Variants in NTN1 observed in about 807,000 individuals in gnomAD.
NTN1 encodes netrin 1.
A neutral mutation model predicts 54.2 loss-of-function variants in NTN1; 11 were observed. The ratio of observed to expected loss-of-function variants is 0.20; its 90% CI spans 0.13 to 0.34. The LOEUF is 0.34. Among genes scored for constraint, NTN1 ranks in the 10% least tolerant of loss-of-function variants. The pLI, the probability that NTN1 is intolerant of heterozygous loss-of-function variation, is 1.00. For missense variants in NTN1, 740 were observed against 893.1 expected, an observed-to-expected ratio of 0.83 and a Z score of 2.18; for synonymous variants, 371 against 382.0, an observed-to-expected ratio of 0.97 and a Z score of 0.33.
upstream of NTN1, among the ~76,000 whole-genome samples, chr17:9,019,567 C>T (rs1021089295): frequency 3.3e-5 from 5 of 152,160 alleles, no homozygotes; most frequent in Non-Finnish European, 7.3e-5. Flanking sequence ...ATGTCTATAT[C>T]CCATCAGCTA....
intron 1 of NTN1, among the ~76,000 whole-genome samples, chr17:9,021,929 A>AC (rs1597460361): frequency 6.6e-6 from 1 of 151,628 alleles, no homozygotes. Flanking sequence ...TCTGAGAGGG[A>AC]CCCCGGGCTG....
At chr17:9,198,989 C>G (rs1340500687) in intron 5 of NTN1, among the ~76,000 whole-genome samples, 1 of 152,134 alleles carries the variant, frequency 6.6e-6, no homozygotes, top group Admixed American at 6.5e-5. Context: ...CCCCTTGGGA[C>G]AAGATAACAG....
At chr17:9,105,650 C>G (rs1480590841) in intron 2 of NTN1, among the ~76,000 whole-genome samples, 1 of 140,896 alleles carries the variant, frequency 7.1e-6, no homozygotes, top group Non-Finnish European at 1.6e-5. Context: ...TCTGTTCTGT[C>G]TCTCTCTCTT....
intron 2 of NTN1, among the ~76,000 whole-genome samples, chr17:9,116,156 G>C (rs929476067): frequency 3.3e-5 from 5 of 152,246 alleles, no homozygotes; most frequent in African/African-American, 9.6e-5. Context: ...CTGTGGGCCA[G>C]CTAGACCCTT....
intron 2 of NTN1, among the ~76,000 whole-genome samples, chr17:9,112,216 G>A (rs560734930): frequency 1.3e-5 from 2 of 152,344 alleles, no homozygotes; most frequent in East Asian, 3.9e-4. Flanking sequence ...GTGAACAGCT[G>A]CTGTAGATCC....
intron 2 of NTN1, among the ~76,000 whole-genome samples, chr17:9,122,962 G>A (rs1314445720): frequency 6.6e-6 from 1 of 152,116 alleles, no homozygotes; most frequent in Non-Finnish European, 1.5e-5. Flanking sequence ...ACATTTTGCT[G>A]TTTTTCAGGT....
intron 2 of NTN1, among the ~76,000 whole-genome samples, chr17:9,143,160 T>C (rs959123172): frequency 6.6e-6 from 1 of 152,212 alleles, no homozygotes; most frequent in African/African-American, 2.4e-5. Context: ...CCAGAAGGGC[T>C]GTCTGTCTGG....
intron 2 of NTN1, among the ~76,000 whole-genome samples, chr17:9,096,445 A>T (rs1405922998): frequency 3.1e-5 from 4 of 130,974 alleles, no homozygotes; most frequent in African/African-American, 1.2e-4. Flanking sequence ...ATCTCGGCTC[A>T]CTGCAAACTC....
chr17:9,008,995 C>T, the NTN1 span, among the ~76,000 whole-genome samples: 3 of 152,116 alleles, frequency 2.0e-5, no homozygotes, highest in Non-Finnish European at 4.4e-5. Flanking sequence ...GAGCTGAGAT[C>T]GCACCATTGC....
chr17:9,044,755 C>A (rs1309404310), intron 2 of NTN1, among the ~76,000 whole-genome samples: 2 of 151,874 alleles, frequency 1.3e-5, no homozygotes, highest in Non-Finnish European at 2.9e-5. Context: ...AAAAAATATT[C>A]ATGGAAGTCT....
intron 2 of NTN1, among the ~76,000 whole-genome samples, chr17:9,079,860 G>T (rs920225489): frequency 6.7e-6 from 1 of 149,482 alleles, no homozygotes; most frequent in Non-Finnish European, 1.5e-5. Context: ...CCCCAAGGAG[G>T]TGGTTCCCCC....
chr17:9,030,787 G>T (rs950423895), intron 2 of NTN1, among the ~76,000 whole-genome samples: 1 of 152,076 alleles, frequency 6.6e-6, no homozygotes, highest in African/African-American at 2.4e-5. Flanking sequence ...AGATGGTTCT[G>T]TAAGTGTGGT....
chr17:9,185,849 T>G (rs1188951502), intron 5 of NTN1, among the ~76,000 whole-genome samples: 2 of 151,894 alleles, frequency 1.3e-5, no homozygotes, highest in African/African-American at 4.8e-5. Context: ...GTGGGAGGAG[T>G]CTGGTATGGA....
intron 2 of NTN1, among the ~76,000 whole-genome samples, chr17:9,057,862 T>A (rs1476376090): frequency 1.3e-5 from 2 of 152,244 alleles, no homozygotes; most frequent in South Asian, 2.1e-4. Flanking sequence ...ATTTTTAAAA[T>A]TTTTAAATGT....
At chr17:9,224,971 C>T (rs1299996053) in intron 6 of NTN1, among the ~76,000 whole-genome samples, 1 of 152,122 alleles carries the variant, frequency 6.6e-6, no homozygotes, top group African/African-American at 2.4e-5. Flanking sequence ...TTTCTGGTTC[C>T]AGGACTGTTC....
Position 9,239,675 on chromosome 17 carries a change from G to A in NTN1, c.1522G>A (p.Gly508Arg). The A allele has an allele frequency of 6.2e-7, 1 of 1,612,768 alleles. No homozygotes were observed. Reference protein sequence around the residue: ...QIHILKADKAGDWWKFTVNII... With the variant: ...QIHILKADKARDWWKFTVNII... ...CCACATCCTGAAGGCGGACAAGGCG[G>A]GGGACTGGTGGAAGTTCACGGTGAA... is the stretch of plus-strand genomic sequence containing the variant. The change falls in exon 7 of 7, where the codon GGG becomes AGG. Residue 508 changes from glycine (G) to arginine (R), a missense_variant. By Grantham distance (125) the Gly-to-Arg change is moderately radical (BLOSUM62 -2). Coordinates refer to ENST00000173229, the MANE Select transcript of NTN1 (RefSeq NM_004822.3). This position sits in a 1 kb window ranked among gnomAD's most constrained non-coding sequence, Gnocchi z 5.2.
chr17:9,048,593 C>T (rs774259930), intron 2 of NTN1, among the ~76,000 whole-genome samples: 5 of 152,092 alleles, frequency 3.3e-5, no homozygotes, highest in African/African-American at 4.8e-5. Context: ...TATGAAATGG[C>T]GTCTTCGTCC....
chr17:9,203,137 G>T (rs1184362310), intron 5 of NTN1, among the ~76,000 whole-genome samples: 4 of 151,620 alleles, frequency 2.6e-5, no homozygotes, highest in African/African-American at 9.8e-5. Flanking sequence ...TAGCCAGGAT[G>T]ATCTCGATCT....
At chr17:9,104,256 A>T (rs1173211116) in intron 2 of NTN1, among the ~76,000 whole-genome samples, 2 of 152,088 alleles carry the variant, frequency 1.3e-5, no homozygotes, top group Non-Finnish European at 2.9e-5. Context: ...CAATTTGGGA[A>T]GATGAAAAAG....
Sources: gnomAD v4.1 joint callset for allele counts (sites outside exome capture counted in the v4.1 genomes callset) on GRCh38, gnomAD v4.1.1 for gene constraint, Gnocchi (gnomAD v3.1) non-coding constraint, MANE v1.5 for transcripts, NCBI Gene and HGNC (gene_info 2026-07-23, HGNC 2026-07-21) for gene names.